Variants in PTPRD observed in about 807,000 individuals in gnomAD.
PTPRD encodes the protein protein tyrosine phosphatase receptor type D, also known as receptor-type tyrosine-protein phosphatase delta.
Under a neutral mutation model 214.5 loss-of-function variants are expected in PTPRD, and 34 were observed. That is an observed-to-expected ratio of 0.16 (90% CI 0.12 to 0.21). The LOEUF (loss-of-function observed/expected upper bound fraction) is 0.21. Ranked by LOEUF, PTPRD falls within the 10% of genes least tolerant of loss-of-function variation. The pLI is 1.00. For missense variants in PTPRD, 2,545 were observed against 2,398.7 expected, an observed-to-expected ratio of 1.06 and a Z score of -1.27; for synonymous variants, 1,128 against 845.7, an observed-to-expected ratio of 1.33 and a Z score of -5.79.
At chr9:8,398,125 C>G (rs1589463674) in intron 36 of PTPRD, among the ~76,000 whole-genome samples, 3 of 152,178 alleles carry the variant, frequency 2.0e-5, no homozygotes, top group African/African-American at 4.8e-5. Flanking sequence ...TTAAAAGGGC[C>G]TATCTGTAGT....
Position 10,278,710 on chromosome 9 carries a change from G to T in PTPRD, c.-545+62253C>A, listed in dbSNP as rs552390642. ...AAGATAATGATTTTTATGCCAATCCGTAAGTTTGAATATATATAAACTTAC... is the reference window on the plus strand; with the variant it reads ...AAGATAATGATTTTTATGCCAATCCTTAAGTTTGAATATATATAAACTTAC... On this transcript the variant is annotated intron_variant, in intron 3 of 45. Transcript: ENST00000381196. Among the ~76,000 whole-genome samples the T allele has an allele frequency of 2.0e-5, 3 of 151,850 alleles. No individual in the cohort carries two copies. The South Asian group carries it at 6.2e-4, about 32-fold the overall frequency.
Position 9,508,182 on chromosome 9 carries a change from T to A in PTPRD, c.-237+66550A>T, listed in dbSNP as rs2096614436. On this transcript the variant is annotated intron_variant, in intron 8 of 45. Coordinates refer to ENST00000381196, the MANE Select transcript of PTPRD (RefSeq NM_002839.4). ...TACACATACAATCATATTTCCAAAC[T>A]TATAAATGGGATGTTTTTGTAAAGA... 2.6e-5 allele frequency among the ~76,000 whole-genome samples: 4 copies of A among 151,634 alleles called. 1 individual carries two copies. The South Asian group carries it at 6.2e-4, about 24-fold the overall frequency.
At chr9:8,842,649 G>A (rs1387283901) in intron 11 of PTPRD, among the ~76,000 whole-genome samples, 1 of 152,060 alleles carries the variant, frequency 6.6e-6, no homozygotes, top group Non-Finnish European at 1.5e-5. Flanking sequence ...AAACTGTCAG[G>A]GGTGGAGTCT....
At chr9:8,917,130 TTCTTC>T (rs2098791945) in intron 11 of PTPRD, among the ~76,000 whole-genome samples, 1 of 149,076 alleles carries the variant, frequency 6.7e-6, no homozygotes, top group African/African-American at 2.5e-5. Flanking sequence ...CTTCTTCTTC[TTCTTC>T]TTTTTTTTTT....
intron 5 of PTPRD, among the ~76,000 whole-genome samples, chr9:9,830,439 G>C (rs896113123): frequency 6.6e-6 from 1 of 151,780 alleles, no homozygotes; most frequent in Non-Finnish European, 1.5e-5. Context: ...ATTACATAAA[G>C]TATGATCCTA....
At chr9:9,772,020 C>A (rs2098755874) in intron 5 of PTPRD, among the ~76,000 whole-genome samples, 1 of 151,924 alleles carries the variant, frequency 6.6e-6, no homozygotes, top group Non-Finnish European at 1.5e-5. Context: ...GAATTGTGTC[C>A]CATAAAATTC....
rs1215709023 is a variant in PTPRD, at chr9:8,833,350, A to G, written c.-103-99404T>C. 7.2e-5 allele frequency among the ~76,000 whole-genome samples: 11 copies of G among 152,230 alleles called. No homozygotes were observed. The East Asian group carries it at 2.1e-3, about 29-fold the overall frequency. ...GCTACTTTTGATAAGCCTGATATAT[A>G]AAAAGTAACAGGCAGAGAAATGAGA... is the stretch of plus-strand genomic sequence containing the variant. On this transcript the variant is annotated intron_variant, in intron 11 of 45. Coordinates refer to ENST00000381196, the MANE Select transcript of PTPRD (RefSeq NM_002839.4).
intron 7 of PTPRD, among the ~76,000 whole-genome samples, chr9:9,694,456 T>A (rs777031040): frequency 4.0e-4 from 61 of 152,052 alleles, no homozygotes; most frequent in Admixed American, 1.2e-3. Context: ...GCAGGTGTGT[T>A]GATGCAAGCT....
At chr9:8,661,544 G>C (rs1043815351) in intron 12 of PTPRD, among the ~76,000 whole-genome samples, 2 of 152,036 alleles carry the variant, frequency 1.3e-5, no homozygotes, top group Non-Finnish European at 1.5e-5. Context: ...CACTTTAAAA[G>C]TTTAACACAG....
intron 7 of PTPRD, among the ~76,000 whole-genome samples, chr9:9,632,981 G>A (rs1016622415): frequency 2.0e-5 from 3 of 152,004 alleles, no homozygotes; most frequent in African/African-American, 7.2e-5. Context: ...GGGAAGGTAT[G>A]AGACAAAAAG....
chr9:9,830,826 G>A (rs2054582551), intron 5 of PTPRD, among the ~76,000 whole-genome samples: 1 of 151,766 alleles, frequency 6.6e-6, no homozygotes, highest in African/African-American at 2.4e-5. Context: ...TCTATTTCTA[G>A]CCTTGTTTTC....
At chr9:9,173,983 TGA>T (rs2099923077) in intron 10 of PTPRD, among the ~76,000 whole-genome samples, 1 of 152,106 alleles carries the variant, frequency 6.6e-6, no homozygotes, top group Admixed American at 6.6e-5. Context: ...CCTCAGAGAA[TGA>T]GAGATTCCAT....
At chr9:8,456,047 T>C (rs553454510) in intron 33 of PTPRD, among the ~76,000 whole-genome samples, 7 of 152,100 alleles carry the variant, frequency 4.6e-5, no homozygotes, top group Non-Finnish European at 1.0e-4. Context: ...CAAAATAAAG[T>C]TGATATTGAG....
intron 9 of PTPRD, among the ~76,000 whole-genome samples, chr9:9,292,240 C>T (rs1235029323): frequency 6.6e-6 from 1 of 151,222 alleles, no homozygotes; most frequent in African/African-American, 2.4e-5. Context: ...GAAATCCTTC[C>T]AAGTTAACTG....
chr9:9,225,019 C>G (rs1236771944), intron 9 of PTPRD, among the ~76,000 whole-genome samples: 1 of 151,958 alleles, frequency 6.6e-6, no homozygotes, highest in Non-Finnish European at 1.5e-5. Context: ...CTCATTTATA[C>G]ACGTATACTG....
chr9:8,448,240 A>G (rs1255996021), intron 34 of PTPRD, among the ~76,000 whole-genome samples: 1 of 151,972 alleles, frequency 6.6e-6, no homozygotes, highest in Non-Finnish European at 1.5e-5. Flanking sequence ...AGGTAGGGGG[A>G]TCACCTGATC....
At chr9:10,407,287 G>C (rs569458286) in intron 2 of PTPRD, among the ~76,000 whole-genome samples, 63 of 151,616 alleles carry the variant, frequency 4.2e-4, no homozygotes, top group African/African-American at 1.4e-3. Flanking sequence ...AATATGGTGT[G>C]ATAATTGGAT....
chr9:8,582,823 T>C (rs1009206934), intron 14 of PTPRD, among the ~76,000 whole-genome samples: 11 of 152,176 alleles, frequency 7.2e-5, no homozygotes, highest in Non-Finnish European at 1.6e-4. Context: ...CAAATGGTGA[T>C]ATGTGGCAAA....
At chr9:9,395,685 AC>A (rs2067525456) in intron 9 of PTPRD, among the ~76,000 whole-genome samples, 1 of 151,890 alleles carries the variant, frequency 6.6e-6, no homozygotes, top group South Asian at 2.1e-4. Context: ...TTTGGCATCT[AC>A]CCCCTTTTCT....
Sources: allele counts gnomAD v4.1 joint callset (sites outside exome capture counted in the v4.1 genomes callset), GRCh38; gene constraint gnomAD v4.1.1; transcripts MANE v1.5; gene names NCBI Gene and HGNC (gene_info 2026-07-23, HGNC 2026-07-21).